MC2R: variants seen among roughly 807,000 people sequenced by gnomAD.
MC2R encodes the protein melanocortin 2 receptor.
MC2R carries 9 observed loss-of-function variants against 9.8 expected under a neutral mutation model. The ratio of observed to expected loss-of-function variants is 0.92; its 90% confidence interval spans 0.55 to 1.60. The LOEUF (loss-of-function observed/expected upper bound fraction) is 1.60, where lower values mean the gene tolerates loss of function less well. Among genes scored for constraint, MC2R ranks in the 40% most tolerant of loss-of-function variants. The pLI is 0.00. For synonymous variants in MC2R, 185 were observed against 154.7 expected, an observed-to-expected ratio of 1.20 and a Z score of -1.45; for missense variants, 370 against 389.0, an observed-to-expected ratio of 0.95 and a Z score of 0.41.
Position 13,885,136 on chromosome 18 carries a change from C to A in MC2R, c.383G>T (p.Arg128Leu). Residue 128 changes from arginine (R) to leucine (L), a missense_variant, in exon 2 of 2, where the codon CGC becomes CTC. By Grantham distance (102) the Arg-to-Leu change is moderately radical. Coordinates refer to ENST00000327606, the MANE Select transcript of MC2R (RefSeq NM_000529.2). ...CAGTGCGTGGAAGATGGTGATGTAGCGGTCCGCAGCAATCACAGACAGGCT... is the reference window on the plus strand; with the variant it reads ...CAGTGCGTGGAAGATGGTGATGTAGAGGTCCGCAGCAATCACAGACAGGCT... ...IFSLSVIAAD[R>L]YITIFHALRY... is the part of the protein sequence containing the mutation. 3 of 1,614,070 alleles carry A rather than the reference C, an allele frequency of 1.9e-6. No homozygotes were observed. The highest frequency in any genetic ancestry group is 2.2e-5 in the South Asian group (2 of 91,064).
At chr18:13,892,844 A>ACACC (rs1454670831) in intron 1 of MC2R, among the ~76,000 whole-genome samples, 3 of 144,820 alleles carry the variant, frequency 2.1e-5, no homozygotes, top group African/African-American at 7.6e-5. Context: ...ACACACACAC[A>ACACC]CACCACACAC....
At chr18:13,903,106 G>GC (rs2045390473) in intron 1 of MC2R, among the ~76,000 whole-genome samples, 1 of 152,148 alleles carries the variant, frequency 6.6e-6, no homozygotes, top group Non-Finnish European at 1.5e-5. Context: ...CAACATCATT[G>GC]ATCATTAGAG....
At chr18:13,893,730 T>C (rs2045330325) in intron 1 of MC2R, among the ~76,000 whole-genome samples, 1 of 148,446 alleles carries the variant, frequency 6.7e-6, no homozygotes, top group Non-Finnish European at 1.5e-5. Context: ...GATTTTGAAG[T>C]TGTAGACAGC....
intron 1 of MC2R, among the ~76,000 whole-genome samples, chr18:13,891,728 T>C (rs1185192374): frequency 2.6e-5 from 4 of 152,198 alleles, no homozygotes; most frequent in Non-Finnish European, 5.9e-5. Context: ...CACACTGCCA[T>C]TCCTGCAGGC....
intron 1 of MC2R, among the ~76,000 whole-genome samples, chr18:13,888,775 A>G (rs1488881421): frequency 3.3e-5 from 5 of 152,158 alleles, no homozygotes; most frequent in African/African-American, 1.2e-4. Context: ...ACTAAATGAC[A>G]ATTAGAAGAA....
intron 1 of MC2R, among the ~76,000 whole-genome samples, chr18:13,896,313 C>G (rs900684850): frequency 2.0e-5 from 3 of 152,154 alleles, no homozygotes; most frequent in African/African-American, 7.2e-5. Context: ...CACCTAGAAG[C>G]AGCCATTCCC....
chr18:13,901,259 T>C (rs535097122), intron 1 of MC2R, among the ~76,000 whole-genome samples: 2 of 151,962 alleles, frequency 1.3e-5, no homozygotes, highest in Non-Finnish European at 1.5e-5. Flanking sequence ...AAGAGGGAAA[T>C]TTATAGCTAT....
intron 1 of MC2R, among the ~76,000 whole-genome samples, chr18:13,890,511 G>C (rs909434999): frequency 6.6e-6 from 1 of 152,120 alleles, no homozygotes; most frequent in Non-Finnish European, 1.5e-5. Flanking sequence ...CTGGTGGTGG[G>C]AGCTGTCACG....
At position 13,884,575 on chromosome 18, in the gene MC2R, G is replaced by T; in HGVS notation, c.*50C>A. On this transcript the variant is annotated 3_prime_UTR_variant, in exon 2 of 2. Coordinates refer to ENST00000327606, the MANE Select transcript of MC2R (RefSeq NM_000529.2). ...TTTGTTGGAATGTTACACTATTCTGGCACTTGGCAACGTTATTCCCATGGA... is the reference window on the plus strand; with the variant it reads ...TTTGTTGGAATGTTACACTATTCTGTCACTTGGCAACGTTATTCCCATGGA... The T allele has an allele frequency of 6.3e-7, 1 of 1,588,934 alleles. No individual in the cohort carries two copies.
At chr18:13,892,096 G>T (rs920485098) in intron 1 of MC2R, among the ~76,000 whole-genome samples, 1 of 152,182 alleles carries the variant, frequency 6.6e-6, no homozygotes, top group Admixed American at 6.5e-5. Flanking sequence ...ACCAGAGTCT[G>T]GGGTCAATTC....
At chr18:13,910,557 T>G (rs980701562) in intron 1 of MC2R, among the ~76,000 whole-genome samples, 1 of 152,240 alleles carries the variant, frequency 6.6e-6, no homozygotes, top group Non-Finnish European at 1.5e-5. Context: ...CTTGCTGTTT[T>G]GCAAGTTTTC....
At chr18:13,914,592 G>A (rs2045465553) in intron 1 of MC2R, among the ~76,000 whole-genome samples, 1 of 152,054 alleles carries the variant, frequency 6.6e-6, no homozygotes, top group African/African-American at 2.4e-5. Flanking sequence ...ATCCCTTTTG[G>A]ACTTTTTGCA....
intron 1 of MC2R, among the ~76,000 whole-genome samples, chr18:13,913,353 A>G (rs1425690814): frequency 6.6e-6 from 1 of 152,094 alleles, no homozygotes; most frequent in East Asian, 1.9e-4. Flanking sequence ...TTTCCCTGCC[A>G]CGGCTGTGCT....
intron 1 of MC2R, among the ~76,000 whole-genome samples, chr18:13,892,844 ACAC>A (rs1567898258): frequency 1.4e-5 from 2 of 144,820 alleles, no homozygotes; most frequent in East Asian, 2.1e-4. Context: ...ACACACACAC[ACAC>A]CACACACACA....
chr18:13,898,022 A>C (rs931330270), intron 1 of MC2R, among the ~76,000 whole-genome samples: 1 of 151,904 alleles, frequency 6.6e-6, no homozygotes, highest in Non-Finnish European at 1.5e-5. Context: ...TTTGTCTTGC[A>C]CCTTAGGTAC....
intron 1 of MC2R, 58 bp from the exon 2 acceptor site, chr18:13,885,704 C>G: frequency 3.1e-6 from 2 of 639,668 alleles, no homozygotes; most frequent in East Asian, 5.6e-5. Context: ...TAAAAACCAG[C>G]CACACTCGCT....
intron 1 of MC2R, among the ~76,000 whole-genome samples, chr18:13,895,793 TACCACTGGC>T (rs553389588): frequency 5.2e-4 from 79 of 152,132 alleles, no homozygotes; most frequent in African/African-American, 1.8e-3. Context: ...GGAGCTGAAA[TACCACTGGC>T]ACTAGCAAAT....
Position 13,899,401 on chromosome 18 carries a change from A to T in MC2R, c.-128-13755T>A, listed in dbSNP as rs530733519. ...CCTCAAAAGAGCAAATCTAAGAGTT[A>T]TTGGTCTTAAAGAGGAGATAGAGAA... On this transcript the variant is annotated intron_variant, in intron 1 of 1. Coordinates refer to ENST00000327606, the MANE Select transcript of MC2R (RefSeq NM_000529.2). 2.6e-5 allele frequency among the ~76,000 whole-genome samples: 4 copies of T among 152,322 alleles called. No homozygotes were observed. The South Asian group carries it at 8.3e-4, about 32-fold the overall frequency.
At chr18:13,903,120 T>C (rs13380990) in intron 1 of MC2R, among the ~76,000 whole-genome samples, 9,806 of 152,234 alleles carry the variant, frequency 0.064, 995 homozygotes, top group African/African-American at 0.22. Flanking sequence ...ATTAGAGTAA[T>C]GCAATGCAAA....
Sources: allele counts gnomAD v4.1 joint callset (sites outside exome capture counted in the v4.1 genomes callset), GRCh38; gene constraint gnomAD v4.1.1; transcripts MANE v1.5; gene names NCBI Gene and HGNC (gene_info 2026-07-23, HGNC 2026-07-21).